GANC: variants seen among roughly 807,000 people sequenced by gnomAD.
The protein encoded by GANC is glucosidase alpha, neutral C, also known as neutral alpha-glucosidase C.
Under a neutral mutation model 124.2 loss-of-function variants are expected in GANC, and 117 were observed. That is an observed-to-expected ratio of 0.94 (90% CI 0.81 to 1.10). GANC has a LOEUF of 1.10. Ranked by LOEUF, GANC falls within the 50% of genes least tolerant of loss-of-function variation. GANC has a pLI of 0.00. For missense variants in GANC, 1,140 were observed against 1,095.0 expected (o/e 1.04, Z -0.58); for synonymous variants, 377 against 376.8 (o/e 1.00, Z -0.01).
intron 5 of GANC, among the ~76,000 whole-genome samples, chr15:42,295,639 G>GACACACACACACACACAC (rs60220273): frequency 7.3e-6 from 1 of 137,642 alleles, no homozygotes; most frequent in African/African-American, 2.8e-5. Context: ...CTTTATTATA[G>GACACACACACACACACAC]ACACACACAC....
chr15:42,320,237 C>G (rs575359604), intron 10 of GANC, among the ~76,000 whole-genome samples: 5 of 152,138 alleles, frequency 3.3e-5, no homozygotes, highest in African/African-American at 1.2e-4. Flanking sequence ...TAAAGTATTT[C>G]AGATTTTGGA....
At chr15:42,288,360 C>T (rs1383615250) in intron 4 of GANC, among the ~76,000 whole-genome samples, 1 of 152,128 alleles carries the variant, frequency 6.6e-6, no homozygotes, top group African/African-American at 2.4e-5. Flanking sequence ...TCTTTGGGGA[C>T]TAAAGCATTT....
chr15:42,306,570 T>C lies in GANC; in HGVS notation c.583T>C (p.Trp195Arg). Residue 195 changes from tryptophan (W) to arginine (R), a missense_variant, in exon 7 of 24, where the codon TGG (tryptophan) becomes CGG (arginine). Trp to Arg is a moderately radical substitution (Grantham distance 101, BLOSUM62 -3). Coordinates refer to ENST00000318010, the MANE Select transcript of GANC (RefSeq NM_198141.3). ...GGAAAATCAAGAAGATCTGGGCCTG[T>C]GGGAAGAGAAATTTGGAAAATTTGT... The part of the protein sequence containing the change: ...SQENQEDLGL[W>R]EEKFGKFVDI... 1 of 1,613,562 alleles carries C rather than the reference T, an allele frequency of 6.2e-7. No individual in the cohort carries two copies. Among genetic ancestry groups the C allele is most frequent in the South Asian group, 1.1e-5 (1 of 91,006 alleles).
At chr15:42,310,529 T>C (rs1369826732) in intron 9 of GANC, 66 bp downstream of exon 9, 2 of 1,495,194 alleles carry the variant, frequency 1.3e-6, no homozygotes, top group Non-Finnish European at 9.0e-7. Flanking sequence ...AGTGGAGTTA[T>C]AGCTCTTATC....
chr15:42,302,309 T>C (rs995842228), intron 6 of GANC, among the ~76,000 whole-genome samples: 2 of 151,974 alleles, frequency 1.3e-5, no homozygotes, highest in African/African-American at 4.8e-5. Flanking sequence ...AGCATCAACA[T>C]CAACAAAAAG....
intron 11 of GANC, among the ~76,000 whole-genome samples, chr15:42,323,418 G>A (rs140150921): frequency 2.8e-4 from 42 of 152,310 alleles, no homozygotes; most frequent in African/African-American, 9.9e-4. Context: ...CAGGGTAGGG[G>A]CAGGCCAAGA....
At chr15:42,301,394 C>T (rs2141035549) in intron 6 of GANC, among the ~76,000 whole-genome samples, 1 of 152,266 alleles carries the variant, frequency 6.6e-6, no homozygotes, top group East Asian at 1.9e-4. Context: ...CAGGTGCCTA[C>T]ACCACCAGGG....
intron 3 of GANC, among the ~76,000 whole-genome samples, chr15:42,279,495 G>A (rs1349209690): frequency 6.6e-6 from 1 of 152,188 alleles, no homozygotes; most frequent in Non-Finnish European, 1.5e-5. Flanking sequence ...CTAGTGAGAG[G>A]GTTAGGGAAG....
chr15:42,277,039 T>C (rs1393298163), intron 2 of GANC, among the ~76,000 whole-genome samples: 2 of 152,224 alleles, frequency 1.3e-5, no homozygotes, highest in African/African-American at 2.4e-5. Flanking sequence ...TTGGGTTGTT[T>C]TTAATCTTTT....
At chr15:42,329,263 C>T in intron 13 of GANC, 43 bp from the exon 14 acceptor site, 2 of 1,578,736 alleles carry the variant, frequency 1.3e-6, no homozygotes, top group Non-Finnish European at 1.7e-6. Flanking sequence ...ATTATATAGA[C>T]ATCATCAATG....
At chr15:42,299,912 T>C (rs1296254612) in intron 6 of GANC, among the ~76,000 whole-genome samples, 1 of 152,186 alleles carries the variant, frequency 6.6e-6, no homozygotes, top group Non-Finnish European at 1.5e-5. Flanking sequence ...GCTAGCCATA[T>C]GCAGAAAACT....
At chr15:42,294,451 T>G (rs2051871866) in intron 5 of GANC, among the ~76,000 whole-genome samples, 1 of 150,892 alleles carries the variant, frequency 6.6e-6, no homozygotes, top group African/African-American at 2.5e-5. Flanking sequence ...GGCACATGCC[T>G]GTAGTCCCAG....
chr15:42,300,182 A>G (rs952131551), intron 6 of GANC, among the ~76,000 whole-genome samples: 5 of 152,240 alleles, frequency 3.3e-5, no homozygotes, highest in African/African-American at 1.2e-4. Flanking sequence ...CAGGCAACCT[A>G]CAGAATGGGT....
chr15:42,336,409 C>T (rs2052283893), intron 15 of GANC, among the ~76,000 whole-genome samples: 1 of 152,190 alleles, frequency 6.6e-6, no homozygotes, highest in Non-Finnish European at 1.5e-5. Flanking sequence ...ACAAGTGGTG[C>T]TGGGACAACT....
chr15:42,321,926 A>T lies in GANC; in HGVS notation c.1199A>T (p.Glu400Val). 3 of 1,614,212 alleles carry T rather than the reference A, an allele frequency of 1.9e-6. No homozygotes were observed. Among genetic ancestry groups the T allele is most frequent in the Non-Finnish European group, 2.5e-6 (3 of 1,180,034 alleles). ...IPYDAMWLDI[E>V]HTEGKRYFTW... ...TATGATGCCATGTGGCTGGACATAG[A>T]GCACACTGAGGGCAAGAGGTACTTC... The change falls in exon 11 of 24, where the codon GAG becomes GTG. Residue 400 changes from glutamate (E) to valine (V), a missense_variant. By Grantham distance (121) the Glu-to-Val change is moderately radical. Coordinates refer to ENST00000318010, the MANE Select transcript of GANC (RefSeq NM_198141.3).
intron 3 of GANC, chr15:42,284,047 G>A (rs893292557): frequency 1.3e-5 from 9 of 699,086 alleles, no homozygotes; most frequent in African/African-American, 1.0e-4. Context: ...CTTGATCACA[G>A]CTGGTAGAGG....
chr15:42,288,041 TCATC>T (rs764213079), intron 4 of GANC, among the ~76,000 whole-genome samples: 93 of 152,306 alleles, frequency 6.1e-4, no homozygotes, highest in Admixed American at 3.5e-3. Context: ...TGTTTTTTCT[TCATC>T]CACCATTTGA....
At chr15:42,307,898 G>T (rs1169801956) in intron 7 of GANC, among the ~76,000 whole-genome samples, 1 of 152,224 alleles carries the variant, frequency 6.6e-6, no homozygotes, top group East Asian at 1.9e-4. Context: ...GGAAAATTTC[G>T]ATTAGGAAAA....
At chr15:42,342,228 G>A (rs1017751770) in intron 18 of GANC, among the ~76,000 whole-genome samples, 3 of 152,110 alleles carry the variant, frequency 2.0e-5, no homozygotes, top group Non-Finnish European at 4.4e-5. Context: ...GTAGTAAGTG[G>A]GTGAATTTTA....
Sources: allele counts gnomAD v4.1 joint callset (sites outside exome capture counted in the v4.1 genomes callset), GRCh38; gene constraint gnomAD v4.1.1; transcripts MANE v1.5; gene names NCBI Gene and HGNC (gene_info 2026-07-23, HGNC 2026-07-21).